POU2F3: variants seen among roughly 807,000 people sequenced by gnomAD.
POU2F3 encodes the protein POU domain, class 2, transcription factor 3.
Under a neutral mutation model 59.2 loss-of-function variants are expected in POU2F3, and 23 were observed. The observed-to-expected ratio is 0.39, with a 90% CI of 0.28 to 0.55. The LOEUF (loss-of-function observed/expected upper bound fraction) is 0.55. Ranked by LOEUF, POU2F3 falls within the 20% of genes least tolerant of loss-of-function variation. POU2F3 has a pLI of 0.66. For synonymous variants in POU2F3, 190 were observed against 214.6 expected, an observed-to-expected ratio of 0.89 and a Z score of 1.00; for missense variants, 473 against 544.5, an observed-to-expected ratio of 0.87 and a Z score of 1.31.
intron 2 of POU2F3, among the ~76,000 whole-genome samples, chr11:120,252,516 C>T (rs1939152767): frequency 1.3e-5 from 2 of 152,098 alleles, no homozygotes; most frequent in Admixed American, 1.3e-4. Context: ...CCTTGTTCTG[C>T]CCTTCTCAGA....
intron 2 of POU2F3, among the ~76,000 whole-genome samples, 188 bp downstream of exon 2, chr11:120,246,705 G>A (rs890429208): frequency 6.6e-6 from 1 of 152,180 alleles, no homozygotes; most frequent in African/African-American, 2.4e-5. Context: ...AGTAGATATT[G>A]CTCCACAGTG....
chr11:120,294,705 G>A (rs1043049212), intron 3 of POU2F3, among the ~76,000 whole-genome samples: 13 of 152,320 alleles, frequency 8.5e-5, no homozygotes, highest in African/African-American at 3.1e-4. Flanking sequence ...AAAGATGTCT[G>A]TCAGAGGCCA....
rs146814161 is a variant in POU2F3, at chr11:120,244,715, C to T, written c.29-1734C>T. On this transcript the variant is annotated intron_variant, in intron 1 of 12. Transcript: ENST00000543440. ...GTGAAGTATGAGCTGAGCAGATCTG[C>T]GTTAGGCAATGCCCAGCTCCAGGGG... 2.6e-3 allele frequency among the ~76,000 whole-genome samples: 397 copies of T among 152,240 alleles called. 2 individuals are homozygous for T. Among genetic ancestry groups the T allele is most frequent in the Middle Eastern group, 0.014 (4 of 294 alleles).
intron 2 of POU2F3, chr11:120,256,739 C>T (rs1939358678): frequency 6.6e-6 from 1 of 152,228 alleles, no homozygotes; most frequent in African/African-American, 2.4e-5. Flanking sequence ...GCACCCCCTC[C>T]TCCCAGGACC....
At chr11:120,278,311 C>A (rs1406179259) in intron 3 of POU2F3, among the ~76,000 whole-genome samples, 1 of 152,056 alleles carries the variant, frequency 6.6e-6, no homozygotes, top group Non-Finnish European at 1.5e-5. Flanking sequence ...GCCCTCAGCC[C>A]AATAAATGCA....
At chr11:120,241,454 G>T (rs557357584) in intron 1 of POU2F3, among the ~76,000 whole-genome samples, 9 of 152,316 alleles carry the variant, frequency 5.9e-5, no homozygotes, top group Admixed American at 5.2e-4. Flanking sequence ...TTCCCCAGAT[G>T]CTGTTTCCTG....
chr11:120,242,728 G>C (rs1156586065), intron 1 of POU2F3, among the ~76,000 whole-genome samples: 2 of 152,168 alleles, frequency 1.3e-5, no homozygotes, highest in East Asian at 1.9e-4. Context: ...ACCTGGGTAC[G>C]AGCCATGATT....
intron 5 of POU2F3, chr11:120,301,347 C>A (rs182835142): frequency 4.0e-6 from 1 of 252,086 alleles, no homozygotes; most frequent in Admixed American, 5.1e-5. Context: ...CCATTAGTAC[C>A]CAAGCCTCTC....
chr11:120,256,605 C>G (rs1377825035), intron 2 of POU2F3: 1 of 152,236 alleles, frequency 6.6e-6, no homozygotes, highest in Non-Finnish European at 1.5e-5. Context: ...CACTCTGCCA[C>G]CCAGGGAGAT....
chr11:120,274,187 T>C (rs555494477), intron 3 of POU2F3, among the ~76,000 whole-genome samples: 1 of 151,648 alleles, frequency 6.6e-6, no homozygotes, highest in South Asian at 2.1e-4. Context: ...CCTGGCTGCC[T>C]GGCTGTGAAT....
intron 2 of POU2F3, among the ~76,000 whole-genome samples, chr11:120,265,170 G>C (rs1939774586): frequency 1.3e-5 from 2 of 152,188 alleles, no homozygotes; most frequent in Non-Finnish European, 2.9e-5. Context: ...TAAAATGAGG[G>C]CTGCGGTGGT....
intron 7 of POU2F3, 27 bp downstream of exon 7, chr11:120,305,239 G>A: frequency 6.2e-7 from 1 of 1,606,178 alleles, no homozygotes; most frequent in Non-Finnish European, 8.5e-7. Flanking sequence ...AAAGATAGAA[G>A]AAGTCTAGCC....
chr11:120,315,692 A>G (rs145900807), intron 11 of POU2F3, among the ~76,000 whole-genome samples: 6 of 152,156 alleles, frequency 3.9e-5, no homozygotes, highest in Non-Finnish European at 8.8e-5. Context: ...TCCAAAATGA[A>G]CTGTGTGGAA....
In POU2F3 at chr11:120,318,515, A is replaced by C. The variant is rs1359194541; in HGVS notation, c.*123A>C. ...GGAAGAAAATCTCCACTATCAATGA[A>C]CCCAGACTCTTGTCTTCTTCAAGAG... On this transcript the variant is annotated 3_prime_UTR_variant, in exon 13 of 13. Transcript: ENST00000543440. 1 of 1,000,818 alleles carries C rather than the reference A, an allele frequency of 1.0e-6. No individual in the cohort carries two copies. The highest frequency in any genetic ancestry group is 1.5e-6 in the Non-Finnish European group (1 of 647,826). The allele number at this position is 1,000,818 out of a possible 1,614,324, so 62.0% of individuals were successfully genotyped here. A position where few individuals can be genotyped will look rare whatever the true frequency, so the allele number is the denominator to read the frequency against.
chr11:120,265,655 T>G (rs560070324), intron 2 of POU2F3, among the ~76,000 whole-genome samples: 1 of 152,328 alleles, frequency 6.6e-6, no homozygotes, highest in East Asian at 1.9e-4. Flanking sequence ...CACACCTTTT[T>G]CATGTTATGG....
intron 2 of POU2F3, among the ~76,000 whole-genome samples, chr11:120,257,535 G>C (rs149041788): frequency 6.6e-6 from 1 of 151,942 alleles, no homozygotes; most frequent in Non-Finnish European, 1.5e-5. Flanking sequence ...TCCTCCACAA[G>C]GGTTTTTGCT....
chr11:120,254,102 C>G (rs1354058887), intron 2 of POU2F3: 1 of 152,234 alleles, frequency 6.6e-6, no homozygotes, highest in African/African-American at 2.4e-5. Context: ...GGAGTAAATC[C>G]TTTATGTACC....
At chr11:120,240,448 G>T in intron 1 of POU2F3, 77 bp downstream of exon 1, 1 of 1,282,560 alleles carries the variant, frequency 7.8e-7, no homozygotes, top group Non-Finnish European at 1.0e-6. Context: ...CAACGTTCTG[G>T]TTAGGGAGGG....
At chr11:120,238,650 G>A (rs888321424), upstream of POU2F3, among the ~76,000 whole-genome samples, 6 of 151,804 alleles carry the variant, frequency 4.0e-5, no homozygotes, top group East Asian at 1.9e-4. Context: ...TCCTGGCAAC[G>A]TGGTGAAACC....
Sources: gnomAD v4.1 joint callset for allele counts (sites outside exome capture counted in the v4.1 genomes callset) on GRCh38, gnomAD v4.1.1 for gene constraint, MANE v1.5 for transcripts, NCBI Gene and HGNC (gene_info 2026-07-23, HGNC 2026-07-21) for gene names.